RABEPK: variants seen among roughly 807,000 people sequenced by gnomAD.
RABEPK encodes the protein 40 kDa Rab9 effector protein.
A neutral mutation model predicts 34.1 loss-of-function variants in RABEPK; 27 were observed. The observed-to-expected ratio is 0.79, with a 90% CI of 0.58 to 1.09. The LOEUF is 1.09. RABEPK is among the 50% of genes least tolerant of loss of function. The pLI, the probability that RABEPK is intolerant of heterozygous loss-of-function variation, is 0.00. For missense variants in RABEPK, 449 were observed against 462.6 expected (o/e 0.97, Z 0.27); for synonymous variants, 172 against 169.2 (o/e 1.02, Z -0.13).
intron 3 of RABEPK, among the ~76,000 whole-genome samples, chr9:125,212,654 CTTT>C (rs1051435694): frequency 7.0e-6 from 1 of 141,886 alleles, no homozygotes. Flanking sequence ...TTCTTTCTTT[CTTT>C]TTTTTTTTTT....
intron 4 of RABEPK, among the ~76,000 whole-genome samples, chr9:125,214,990 A>G (rs372009630): frequency 1.3e-5 from 2 of 151,816 alleles, no homozygotes; most frequent in African/African-American, 2.4e-5. Flanking sequence ...GGGTTTCTCC[A>G]TGTTAGCCAG....
intron 4 of RABEPK, among the ~76,000 whole-genome samples, chr9:125,218,038 G>A (rs539908738): frequency 5.9e-5 from 9 of 151,996 alleles, no homozygotes; most frequent in South Asian, 4.2e-4. Flanking sequence ...CAGGCCCGGC[G>A]CGGTAGCTCA....
chr9:125,233,339 T>G (rs1417881992), intron 7 of RABEPK, among the ~76,000 whole-genome samples: 6 of 139,636 alleles, frequency 4.3e-5, no homozygotes, highest in East Asian at 2.0e-4. Context: ...GTTTTTTTTT[T>G]TTTTTTTTTT....
intron 5 of RABEPK, chr9:125,220,904 C>T (rs1218978529): frequency 6.7e-6 from 4 of 593,008 alleles, no homozygotes; most frequent in African/African-American, 5.7e-5. Flanking sequence ...TGGTGGCTCA[C>T]ACCTGTAATC....
rs1441845357 is a variant in RABEPK at position 125,220,600 on chromosome 9, C to T, written c.426C>T (p.His142=). The T allele has an allele frequency of 3.1e-6, 5 of 1,614,082 alleles. No homozygotes were observed. The African/African-American group carries it at 5.3e-5, about 17-fold the overall frequency. The change falls in exon 5 of 8, where the codon CAC becomes CAT. Residue 142 remains histidine (H), a synonymous_variant. Coordinates refer to ENST00000373538, the MANE Select transcript of RABEPK (RefSeq NM_005833.4). ...TSPPPSPRTF[H]TSSAAIGNQL... ...CCCCACCATCCCCAAGAACATTCCACACATCATCGGCAGCCATTGGAAACC... is the reference window on the plus strand; with the variant it reads ...CCCCACCATCCCCAAGAACATTCCATACATCATCGGCAGCCATTGGAAACC...
chr9:125,220,472 C>A, intron 4 of RABEPK, 67 bp from the exon 5 acceptor site: 1 of 1,538,026 alleles, frequency 6.5e-7, no homozygotes. Context: ...CTTCACTCAG[C>A]CCCAGAGTCA....
chr9:125,212,653 TC>T (rs1192680902), intron 3 of RABEPK, among the ~76,000 whole-genome samples: 1 of 151,174 alleles, frequency 6.6e-6, no homozygotes, highest in Non-Finnish European at 1.5e-5. Flanking sequence ...TTTCTTTCTT[TC>T]TTTTTTTTTT....
At position 125,233,908 on chromosome 9, in the gene RABEPK, C is replaced by G. The variant is rs376125344; in HGVS notation, c.1047C>G (p.Leu349=). Residue 349 remains leucine (L), a synonymous_variant, in exon 8 of 8, where the codon CTC becomes CTG. Transcript: ENST00000373538. The part of the protein sequence containing the change: ...SHEESQTATL[L]CLVFGGMNTE... ...AGGAAAGCCAGACTGCTACACTGCT[C>G]TGTTTGGTGTTTGGTGGGATGAATA... 6.2e-7 allele frequency: 1 copy of G among 1,613,598 alleles called. No individual in the cohort carries two copies. The highest frequency in any genetic ancestry group is 1.1e-5 in the South Asian group (1 of 91,058).
chr9:125,225,830 G>T (rs556489698), intron 5 of RABEPK, among the ~76,000 whole-genome samples: 3 of 152,108 alleles, frequency 2.0e-5, no homozygotes, highest in African/African-American at 7.2e-5. Flanking sequence ...GGGCTTGGTG[G>T]TAGGCACCTG....
chr9:125,219,335 T>C (rs1831165266), intron 4 of RABEPK, among the ~76,000 whole-genome samples: 1 of 151,524 alleles, frequency 6.6e-6, no homozygotes, highest in South Asian at 2.1e-4. Context: ...GTGCTAGGGT[T>C]ACAGGCCTTA....
chr9:125,233,693 C>T lies in RABEPK; in HGVS notation c.832C>T (p.Gln278Ter). The T allele has an allele frequency of 6.2e-7, 1 of 1,611,134 alleles. No homozygotes were observed. The highest frequency in any genetic ancestry group is 2.2e-5 in the East Asian group (1 of 44,830). The change falls in exon 8 of 8, where the codon CAG (glutamine) becomes TAG (stop). Residue 278 changes from glutamine to a stop codon, truncating the protein, a stop_gained. Coordinates refer to ENST00000373538, the MANE Select transcript of RABEPK (RefSeq NM_005833.4). LOFTEE classifies it low-confidence loss of function (END_TRUNC). ...DTMYQYHTEE[Q>*]HWTLLKFDTL... ...CTTTTCCCTCCCCAACATAGAAGAG[C>T]AGCATTGGACCTTGCTTAAATTTGA...
At chr9:125,201,777 C>A (rs191158366) in intron 1 of RABEPK, among the ~76,000 whole-genome samples, 7 of 152,016 alleles carry the variant, frequency 4.6e-5, no homozygotes, top group Non-Finnish European at 7.4e-5. Flanking sequence ...CAACGCCCAG[C>A]TAATTTTTTT....
chr9:125,211,983 T>C (rs1305497284), intron 3 of RABEPK, among the ~76,000 whole-genome samples: 1 of 151,572 alleles, frequency 6.6e-6, no homozygotes, highest in East Asian at 1.9e-4. Context: ...AAAAAAAAAA[T>C]TCAAAGGTAA....
At chr9:125,225,081 C>T (rs1831639013) in intron 5 of RABEPK, among the ~76,000 whole-genome samples, 1 of 152,018 alleles carries the variant, frequency 6.6e-6, no homozygotes, top group Non-Finnish European at 1.5e-5. Context: ...TAGCAAGACC[C>T]CATCTCTAAA....
intron 2 of RABEPK, among the ~76,000 whole-genome samples, chr9:125,204,476 G>C (rs918541367): frequency 6.6e-6 from 1 of 151,974 alleles, no homozygotes; most frequent in Non-Finnish European, 1.5e-5. Flanking sequence ...TGGCCACTCG[G>C]GAGGCTGAGG....
rs759754555 is a variant in RABEPK, at chr9:125,220,391, G to T, written c.365-148G>T. ...CTAAGTATCATCTTCATTCTTCCTT[G>T]ATGTTTGTGAGTATGAGATCCCTGC... On this transcript the variant is annotated intron_variant, in intron 4 of 7. Coordinates refer to ENST00000373538, the MANE Select transcript of RABEPK (RefSeq NM_005833.4). 4 of 1,466,160 alleles carry T rather than the reference G, an allele frequency of 2.7e-6. No homozygotes were observed. In the African/African-American group the frequency reaches 5.7e-5, roughly 21 times the overall value. 90.8% of individuals were successfully genotyped at this position (1,466,160 alleles called of 1,614,324 possible).
chr9:125,220,621 A>C lies in RABEPK; in HGVS notation c.447A>C (p.Gly149=). The change falls in exon 5 of 8, where the codon GGA becomes GGC. Residue 149 remains glycine, a synonymous_variant. Transcript: ENST00000373538. ...TCCACACATCATCGGCAGCCATTGG[A>C]AACCAGCTATATGTCTTTGGGGGCG... ...RTFHTSSAAI[G]NQLYVFGGGE... The C allele has an allele frequency of 6.2e-7, 1 of 1,614,188 alleles. No homozygotes were observed. Among genetic ancestry groups the C allele is most frequent in the South Asian group, 1.1e-5 (1 of 91,088 alleles).
At position 125,200,593 on chromosome 9, in the gene RABEPK, G is replaced by T. The variant is rs954322181; in HGVS notation, c.-320G>T. ...GTCGCCGCAGGTATTGCAGTCCGGG[G>T]CTGGAGGGTAGGGGCGAGGGTCCCC... On this transcript the variant is annotated 5_prime_UTR_variant, in exon 1 of 8. Transcript: ENST00000373538. 1 of 439,794 alleles carries T rather than the reference G, an allele frequency of 2.3e-6. No homozygotes were observed. The highest frequency in any genetic ancestry group is 4.8e-6 in the Non-Finnish European group (1 of 208,380). The allele number at this position is 439,794 out of a possible 1,614,324, so 27.2% of individuals were successfully genotyped here. A position where few individuals can be genotyped will look rare whatever the true frequency, so the allele number is the denominator to read the frequency against.
rs1303057583 is a variant in RABEPK, at chr9:125,211,158, ACC to A, written c.212-2210_212-2209del. On this transcript the variant is annotated intron_variant, in intron 3 of 7. Transcript: ENST00000373538. ...AGGCTGAGGCAGGAGAATGGCATGA[ACC>A]CGGGAGGCAGAGCTTGCAGTGAGCC... Among the ~76,000 whole-genome samples, 6 of 148,584 alleles carry A rather than the reference ACC, an allele frequency of 4.0e-5. No individual in the cohort carries two copies. In the Admixed American group the frequency reaches 4.1e-4, roughly 10 times the overall value.
Sources: allele counts gnomAD v4.1 joint callset (sites outside exome capture counted in the v4.1 genomes callset), GRCh38; gene constraint gnomAD v4.1.1; transcripts MANE v1.5; gene names NCBI Gene and HGNC (gene_info 2026-07-23, HGNC 2026-07-21).